The following FH variants were observed in gnomAD, a reference collection of about 807,000 sequenced individuals.
FH encodes fumarate hydratase, mitochondrial.
FH carries 22 observed loss-of-function variants against 49.4 expected under a neutral mutation model. That is an observed-to-expected ratio of 0.45 (90% CI 0.32 to 0.64). FH has a LOEUF of 0.64. Among genes scored for constraint, FH ranks in the 30% least tolerant of loss-of-function variants. The pLI, the probability that FH is intolerant of heterozygous loss-of-function variation, is 0.05. For missense variants in FH, 526 were observed against 641.5 expected (o/e 0.82, Z 1.95); for synonymous variants, 208 against 223.0 (o/e 0.93, Z 0.60).
In FH at chr1:241,497,736, C is replaced by A. The variant is rs202167168; in HGVS notation, c.*92G>T. 1.4e-4 allele frequency: 165 copies of A among 1,168,636 alleles called. 1 individual carries two copies. Among genetic ancestry groups the A allele is most frequent in the East Asian group, 1.0e-4 (4 of 38,998 alleles). 72.4% of individuals were successfully genotyped at this position (1,168,636 alleles called of 1,614,324 possible). On this transcript the variant is annotated 3_prime_UTR_variant, in exon 10 of 10. Transcript: ENST00000366560. The stretch of plus-strand genomic sequence containing the variant: ...TGCTAGAGATGCTTAAGTTCAATAG[C>A]AGTTTCCTTTCAAACTTATCCGTTT...
intron 8 of FH, among the ~76,000 whole-genome samples, chr1:241,501,837 CG>C (rs1659789546): frequency 6.6e-6 from 1 of 151,838 alleles, no homozygotes; most frequent in African/African-American, 2.4e-5. Context: ...TTCGTAAAGA[CG>C]AAAGAAAAAG....
At chr1:241,509,450 T>C (rs1042966878) in intron 4 of FH, among the ~76,000 whole-genome samples, 1 of 152,184 alleles carries the variant, frequency 6.6e-6, no homozygotes, top group Non-Finnish European at 1.5e-5. Context: ...CTCAGTGCTC[T>C]TTCCTCAACT....
At chr1:241,513,563 G>A (rs1291800223) in intron 3 of FH, 40 bp downstream of exon 3, 1 of 1,402,978 alleles carries the variant, frequency 7.1e-7, no homozygotes. Context: ...GTATGGCATG[G>A]GTCTGAGGTT....
At chr1:241,511,737 A>G in intron 4 of FH, 1 of 502,818 alleles carries the variant, frequency 2.0e-6, no homozygotes, top group Non-Finnish European at 3.5e-6. Flanking sequence ...TTCAAAATAG[A>G]GTTTTAAACA....
Position 241,513,627 on chromosome 1 carries a change from A to G in FH, c.354T>C (p.Asn118=), listed in dbSNP as rs1465574376. 1 of 1,613,890 alleles carries G rather than the reference A, an allele frequency of 6.2e-7. No homozygotes were observed. The highest frequency in any genetic ancestry group is 8.5e-7 in the Non-Finnish European group (1 of 1,179,884). ...CCTCATCTGCTGCCTTCATTATTGC[A>G]TTAGCAATCTTTGGATCAAGACCAT... is the stretch of plus-strand genomic sequence containing the variant. ...QDYGLDPKIA[N]AIMKAADEVA... The change falls in exon 3 of 10, where the codon AAT becomes AAC. Residue 118 remains asparagine (N), a synonymous_variant. Transcript: ENST00000366560.
chr1:241,503,579 T>C (rs1659835195), intron 7 of FH, among the ~76,000 whole-genome samples: 1 of 152,248 alleles, frequency 6.6e-6, no homozygotes, highest in Non-Finnish European at 1.5e-5. Context: ...TTCTGAAATG[T>C]CACTGTTCAC....
At chr1:241,507,151 G>A (rs1289856920) in intron 5 of FH, among the ~76,000 whole-genome samples, 2 of 152,036 alleles carry the variant, frequency 1.3e-5, no homozygotes, top group Admixed American at 1.3e-4. Context: ...TTATAAAACC[G>A]TATTTTTACT....
chr1:241,518,508 A>C lies in FH; in HGVS notation c.132+1083T>G, dbSNP rs527684225. Reference sequence around the variant, plus strand: ...TTGTATATCGTAGGTATAGTGACCCAATCAAATTATCTTGAAGTTTAGAGT... The same window carrying C: ...TTGTATATCGTAGGTATAGTGACCCCATCAAATTATCTTGAAGTTTAGAGT... On this transcript the variant is annotated intron_variant, in intron 1 of 9. Coordinates refer to ENST00000366560, the MANE Select transcript of FH (RefSeq NM_000143.4). Among the ~76,000 whole-genome samples, 8 of 152,352 alleles carry C rather than the reference A, an allele frequency of 5.3e-5. No individual in the cohort carries two copies. The East Asian group carries it at 1.5e-3, about 29-fold the overall frequency.
intron 1 of FH, among the ~76,000 whole-genome samples, chr1:241,518,878 C>T (rs904112499): frequency 2.0e-5 from 3 of 152,320 alleles, no homozygotes; most frequent in African/African-American, 7.2e-5. Context: ...AGCTGGCTTT[C>T]TGAATAAAAA....
chr1:241,499,748 A>G (rs1046981956), intron 9 of FH, among the ~76,000 whole-genome samples: 5 of 152,362 alleles, frequency 3.3e-5, no homozygotes, highest in South Asian at 2.1e-4. Context: ...GGCTTTTAAC[A>G]CATCATAATA....
rs1239833811 is a variant in FH, at chr1:241,517,604, A to G, written c.133-288T>C. ...ACAAATAGTAATCTTTTCCATTTCA[A>G]GAGTATGCTTATTACTGGTCAAGAT... On this transcript the variant is annotated intron_variant, in intron 1 of 9. Coordinates refer to ENST00000366560, the MANE Select transcript of FH (RefSeq NM_000143.4). Among the ~76,000 whole-genome samples the G allele has an allele frequency of 2.6e-5, 4 of 152,206 alleles. No individual in the cohort carries two copies. In the East Asian group the frequency reaches 7.7e-4, roughly 29 times the overall value.
chr1:241,510,195 G>A (rs574417715), intron 4 of FH, among the ~76,000 whole-genome samples: 2 of 152,266 alleles, frequency 1.3e-5, no homozygotes, highest in African/African-American at 4.8e-5. Context: ...CCAGATCTCA[G>A]TTTCTAAATA....
intron 4 of FH, among the ~76,000 whole-genome samples, chr1:241,510,308 A>T (rs888427834): frequency 6.6e-6 from 1 of 152,218 alleles, no homozygotes; most frequent in Admixed American, 6.5e-5. Context: ...ATCTTAAAGT[A>T]CCAGGAAGTC....
chr1:241,503,192 C>T (rs1055833136), intron 7 of FH, among the ~76,000 whole-genome samples: 2 of 152,170 alleles, frequency 1.3e-5, no homozygotes, highest in Admixed American at 6.5e-5. Context: ...ATCTGTGACT[C>T]CCCCAGTTCT....
In FH at chr1:241,508,683, C is replaced by A. The variant is rs747135440; in HGVS notation, c.658G>T (p.Ala220Ser). Residue 220 changes from alanine to serine, a missense_variant, in exon 5 of 10, where the codon GCA (alanine) becomes TCA (serine). This residue lies in a region of FH where 383 missense variants were observed against 514.0 expected (regional missense o/e 0.75). Coordinates refer to ENST00000366560, the MANE Select transcript of FH (RefSeq NM_000143.4). ...ATCTGTGCAAACTCTTTGGATTTTGCATCAAGAGCATCATGTAACTTCTGT... is the reference window on the plus strand; with the variant it reads ...ATCTGTGCAAACTCTTTGGATTTTGAATCAAGAGCATCATGTAACTTCTGT... ...GLQKLHDALD[A>S]KSKEFAQIIK... 8.1e-6 allele frequency: 13 copies of A among 1,613,528 alleles called. No individual in the cohort carries two copies. The highest frequency in any genetic ancestry group is 1.1e-5 in the Non-Finnish European group (13 of 1,179,510).
At chr1:241,518,682 T>C (rs535780500) in intron 1 of FH, among the ~76,000 whole-genome samples, 46 of 152,350 alleles carry the variant, frequency 3.0e-4, no homozygotes, top group African/African-American at 9.4e-4. Flanking sequence ...ATCTCTTAGA[T>C]TGCAAACCTC....
rs1395827785 is a variant in FH, at chr1:241,513,625, G to T, written c.356C>A (p.Ala119Glu). 1.9e-6 allele frequency: 3 copies of T among 1,613,680 alleles called. No homozygotes were observed. The African/African-American group carries it at 4.0e-5, about 22-fold the overall frequency. ...DYGLDPKIAN[A>E]IMKAADEVAE... The stretch of plus-strand genomic sequence containing the variant: ...TACCTCATCTGCTGCCTTCATTATT[G>T]CATTAGCAATCTTTGGATCAAGACC... The change falls in exon 3 of 10, where the codon GCA (alanine) becomes GAA (glutamate). Residue 119 changes from alanine to glutamate, a missense_variant. This residue lies in a region of FH where 383 missense variants were observed against 514.0 expected (regional missense o/e 0.75). Coordinates refer to ENST00000366560, the MANE Select transcript of FH (RefSeq NM_000143.4).
intron 6 of FH, among the ~76,000 whole-genome samples, chr1:241,505,200 C>T (rs958093053): frequency 6.6e-6 from 1 of 152,040 alleles, no homozygotes; most frequent in Admixed American, 6.6e-5. Flanking sequence ...TGTGAGCCCC[C>T]ATGTCCGGCC....
rs1659654362 is a variant in FH at position 241,497,694 on chromosome 1, T to C, written c.*134A>G. ...ACCTAGCACATCCTAGGGTTTTATA[T>C]ACTGATCAAATTGCTCTGCTAGAGA... On this transcript the variant is annotated 3_prime_UTR_variant, in exon 10 of 10. Coordinates refer to ENST00000366560, the MANE Select transcript of FH (RefSeq NM_000143.4). 1 of 729,910 alleles carries C rather than the reference T, an allele frequency of 1.4e-6. No homozygotes were observed. Among genetic ancestry groups the C allele is most frequent in the Non-Finnish European group, 2.3e-6 (1 of 440,608 alleles). The allele number at this position is 729,910 out of a possible 1,614,324, so 45.2% of individuals were successfully genotyped here.
Sources: gnomAD v4.1 joint callset for allele counts (sites outside exome capture counted in the v4.1 genomes callset) on GRCh38, gnomAD v4.1.1 for gene constraint, gnomAD v4.1.1 regional missense constraint, MANE v1.5 for transcripts, NCBI Gene and HGNC (gene_info 2026-07-23, HGNC 2026-07-21) for gene names.